Variants in ATP6V1E1 observed in about 807,000 individuals in gnomAD.
ATP6V1E1 encodes the protein ATPase H+ transporting V1 subunit E1.
In ATP6V1E1, 21 loss-of-function variants were observed where a neutral mutation model predicts 35.2. That is an observed-to-expected ratio of 0.60 (90% CI 0.42 to 0.86). The LOEUF (loss-of-function observed/expected upper bound fraction) is 0.86, where lower values mean the gene tolerates loss of function less well. Among genes scored for constraint, ATP6V1E1 ranks in the 40% least tolerant of loss-of-function variants. The probability of loss-of-function intolerance (pLI) is 0.00; values close to 1 mark genes in which losing one functional copy is unlikely to be tolerated. For synonymous variants in ATP6V1E1, 83 were observed against 87.8 expected (o/e 0.95, Z 0.30); for missense variants, 183 against 272.6 (o/e 0.67, Z 2.32).
chr22:17,609,031 G>A (rs2146305324), intron 4 of ATP6V1E1, among the ~76,000 whole-genome samples: 1 of 152,176 alleles, frequency 6.6e-6, no homozygotes, highest in Middle Eastern at 3.4e-3. Context: ...AGTCTGCAGT[G>A]AGCTGATATC....
rs1601406188 is a variant in ATP6V1E1 at position 17,628,724 on chromosome 22, G to A, written c.-89C>T. 7.1e-6 allele frequency: 11 copies of A among 1,558,864 alleles called. No homozygotes were observed. The East Asian group carries it at 2.5e-4, about 35-fold the overall frequency. On this transcript the variant is annotated 5_prime_UTR_variant, in exon 1 of 9. Coordinates refer to ENST00000253413, the MANE Select transcript of ATP6V1E1 (RefSeq NM_001696.4). The stretch of plus-strand genomic sequence containing the variant: ...AGAAATCGGCAAAGGGAACCCCTGC[G>A]CAGATCTCGGGTTCCTTTACTTTAT...
chr22:17,600,799 A>C, intron 5 of ATP6V1E1: 1 of 207,950 alleles, frequency 4.8e-6, no homozygotes. Context: ...AATTAAGGGA[A>C]TTTAAAGCTA....
chr22:17,620,530 C>A (rs990299300), intron 1 of ATP6V1E1, among the ~76,000 whole-genome samples: 1 of 151,216 alleles, frequency 6.6e-6, no homozygotes, highest in Non-Finnish European at 1.5e-5. Context: ...TGGGGCCATA[C>A]TCTTCCACTC....
chr22:17,617,803 T>C (rs2057854390), intron 2 of ATP6V1E1, among the ~76,000 whole-genome samples: 1 of 152,066 alleles, frequency 6.6e-6, no homozygotes, highest in Non-Finnish European at 1.5e-5. Context: ...TTCCAAACTT[T>C]TTATTTTTTA....
Position 17,592,744 on chromosome 22 carries a change from G to A in ATP6V1E1, c.619-8C>T, listed in dbSNP as rs2057709870. ...CCGGACTTCTGGCATCATCTGTGGA[G>A]AGAAAGTGTAATAAATACGCAATGT... On this transcript the variant is annotated splice_region_variant and splice_polypyrimidine_tract_variant and intron_variant, in intron 8 of 8. Coordinates refer to ENST00000253413, the MANE Select transcript of ATP6V1E1 (RefSeq NM_001696.4). The A allele has an allele frequency of 1.2e-6, 2 of 1,607,892 alleles. No homozygotes were observed. The highest frequency in any genetic ancestry group is 2.7e-5 in the African/African-American group (2 of 74,584).
chr22:17,608,839 C>A (rs900773671), intron 4 of ATP6V1E1, among the ~76,000 whole-genome samples: 3 of 152,224 alleles, frequency 2.0e-5, no homozygotes, highest in African/African-American at 7.2e-5. Context: ...GTAATCCCAG[C>A]ACTTTGGGAG....
Position 17,594,515 on chromosome 22 carries a change from AC to A in ATP6V1E1, c.618+13del, listed in dbSNP as rs748948153. The A allele has an allele frequency of 3.3e-6, 5 of 1,537,668 alleles. No homozygotes were observed. The African/African-American group carries it at 6.9e-5, about 21-fold the overall frequency. ...AACAGCAGACCAACTACCAAGAAGT[AC>A]CCCCACACTCACCTGCTGGGCTATG... On this transcript the variant is annotated intron_variant, in intron 8 of 8. Coordinates refer to ENST00000253413, the MANE Select transcript of ATP6V1E1 (RefSeq NM_001696.4).
At chr22:17,595,578 C>T (rs1305675473) in intron 7 of ATP6V1E1, among the ~76,000 whole-genome samples, 1 of 152,156 alleles carries the variant, frequency 6.6e-6, no homozygotes, top group Non-Finnish European at 1.5e-5. Context: ...CCCTGTAATC[C>T]CAGCACTTTG....
intron 1 of ATP6V1E1, among the ~76,000 whole-genome samples, chr22:17,620,845 C>T (rs1037458377): frequency 4.6e-5 from 7 of 152,082 alleles, no homozygotes; most frequent in African/African-American, 9.7e-5. Context: ...GGGCGGATCA[C>T]GAGGTCAGGA....
intron 8 of ATP6V1E1, among the ~76,000 whole-genome samples, chr22:17,594,170 C>A (rs137934688): frequency 1.6e-4 from 24 of 151,862 alleles, no homozygotes; most frequent in Non-Finnish European, 3.4e-4. Flanking sequence ...CTCCAGCCTG[C>A]GCAAAAAAGA....
At chr22:17,620,479 T>C (rs567355734) in intron 1 of ATP6V1E1, among the ~76,000 whole-genome samples, 2 of 152,068 alleles carry the variant, frequency 1.3e-5, no homozygotes, top group South Asian at 2.1e-4. Flanking sequence ...ATCTTCCCTT[T>C]GCGTCCGTGA....
chr22:17,614,265 G>A (rs990130035), intron 2 of ATP6V1E1, among the ~76,000 whole-genome samples: 3 of 151,824 alleles, frequency 2.0e-5, no homozygotes, highest in South Asian at 4.2e-4. Flanking sequence ...GAGGAGAATC[G>A]CTTGAACCTG....
chr22:17,592,959 TTTGTA>T (rs1356806907), intron 8 of ATP6V1E1, among the ~76,000 whole-genome samples: 1 of 152,094 alleles, frequency 6.6e-6, no homozygotes, highest in Non-Finnish European at 1.5e-5. Flanking sequence ...GGCTAATTTT[TTTGTA>T]TTTTTAGTAG....
chr22:17,600,147 G>A, intron 5 of ATP6V1E1, 52 bp from the exon 6 acceptor site: 1 of 1,533,720 alleles, frequency 6.5e-7, no homozygotes, highest in Non-Finnish European at 9.0e-7. Flanking sequence ...ATAAAATAAA[G>A]AAACAGGTCG....
chr22:17,611,636 C>T (rs998533493), intron 4 of ATP6V1E1, among the ~76,000 whole-genome samples: 1 of 152,184 alleles, frequency 6.6e-6, no homozygotes, highest in Non-Finnish European at 1.5e-5. Context: ...CGAAACATTT[C>T]AGCATCTTGA....
intron 1 of ATP6V1E1, 150 bp from the exon 2 acceptor site, chr22:17,619,676 A>G: frequency 4.6e-6 from 3 of 657,772 alleles, no homozygotes; most frequent in Non-Finnish European, 7.7e-6. Context: ...GCTTTAGGCC[A>G]GGAGGTGGAG....
intron 4 of ATP6V1E1, among the ~76,000 whole-genome samples, chr22:17,604,524 C>CTTTT (rs1555957689): frequency 8.4e-6 from 1 of 118,570 alleles, no homozygotes; most frequent in Admixed American, 8.0e-5. Flanking sequence ...TCTTTGTTTT[C>CTTTT]TCTTTTTTTT....
At chr22:17,610,728 T>C (rs1338560991) in intron 4 of ATP6V1E1, among the ~76,000 whole-genome samples, 1 of 152,160 alleles carries the variant, frequency 6.6e-6, no homozygotes, top group Non-Finnish European at 1.5e-5. Flanking sequence ...ACTTTGGGCA[T>C]AAATAATGAA....
intron 1 of ATP6V1E1, among the ~76,000 whole-genome samples, chr22:17,627,168 T>G (rs2057913706): frequency 6.6e-6 from 1 of 151,620 alleles, no homozygotes. Context: ...CTTTTTTTTT[T>G]TATTTTTTTG....
Sources: allele counts gnomAD v4.1 joint callset (sites outside exome capture counted in the v4.1 genomes callset), GRCh38; gene constraint gnomAD v4.1.1; transcripts MANE v1.5; gene names NCBI Gene and HGNC (gene_info 2026-07-23, HGNC 2026-07-21).